Variants in FGF2 observed in about 807,000 individuals in gnomAD.
FGF2 encodes the protein fibroblast growth factor 2.
In FGF2, 13 loss-of-function variants were observed where a neutral mutation model predicts 15.9. That is an observed-to-expected ratio of 0.82 (90% CI 0.53 to 1.30). The LOEUF is 1.30. FGF2 is among the 50% of genes most tolerant of loss of function. The pLI is 0.00. For missense variants in FGF2, 163 were observed against 196.9 expected, an observed-to-expected ratio of 0.83 and a Z score of 1.03; for synonymous variants, 90 against 78.4, an observed-to-expected ratio of 1.15 and a Z score of -0.78.
intron 2 of FGF2, among the ~76,000 whole-genome samples, chr4:122,885,360 C>T (rs1219363381): frequency 6.6e-6 from 1 of 152,120 alleles, no homozygotes; most frequent in Non-Finnish European, 1.5e-5. Flanking sequence ...ATGCTGTTGA[C>T]AGTCTGGTGA....
rs970068523 is a variant in FGF2, at chr4:122,892,465, A to C, written c.*69A>C. The C allele has an allele frequency of 2.5e-5, 40 of 1,606,986 alleles. No individual in the cohort carries two copies. The African/African-American group carries it at 2.8e-4, about 11-fold the overall frequency. On this transcript the variant is annotated 3_prime_UTR_variant, in exon 3 of 3. Coordinates refer to ENST00000644866, the MANE Select transcript of FGF2 (RefSeq NM_001361665.2). ...TATATTTTAGAAATTTGTTAATGAG[A>C]GTAAAAGAAAATAAATGTGTATAGC...
At chr4:122,844,573 TTC>T (rs1345877195) in intron 1 of FGF2, among the ~76,000 whole-genome samples, 1 of 133,628 alleles carries the variant, frequency 7.5e-6, no homozygotes, top group Admixed American at 7.0e-5. Context: ...TTCTTTCTTT[TTC>T]TTTCTTTCTT....
chr4:122,852,722 C>G (rs114317255), intron 1 of FGF2, among the ~76,000 whole-genome samples: 1 of 152,154 alleles, frequency 6.6e-6, no homozygotes, highest in African/African-American at 2.4e-5. Flanking sequence ...TTTTTTTCCA[C>G]TGCTCATTTT....
In FGF2 at chr4:122,897,397, A is replaced by T; in HGVS notation, c.*5001A>T. ...ATCCAGAAGCAGTCATAAACAGAAG[A>T]ATAGGTGGTATGTTCCTAATGATAT... On this transcript the variant is annotated 3_prime_UTR_variant, in exon 3 of 3. Transcript: ENST00000644866. The T allele has an allele frequency of 1.9e-6, 1 of 529,220 alleles. No homozygotes were observed. The highest frequency in any genetic ancestry group is 3.4e-6 in the Non-Finnish European group (1 of 295,786). The allele number at this position is 529,220 out of a possible 1,614,324, so 32.8% of individuals were successfully genotyped here.
chr4:122,844,010 A>G (rs1560739966), intron 1 of FGF2, among the ~76,000 whole-genome samples: 1 of 152,222 alleles, frequency 6.6e-6, no homozygotes, highest in African/African-American at 2.4e-5. Context: ...TTGCGGCATC[A>G]GTTGACTTAT....
intron 2 of FGF2, among the ~76,000 whole-genome samples, chr4:122,891,423 C>CT (rs1200810648): frequency 8.0e-6 from 1 of 125,030 alleles, no homozygotes; most frequent in African/African-American, 3.0e-5. Context: ...AGCCAGCTAT[C>CT]CTTTTTTTTT....
In FGF2 at chr4:122,893,837, T is replaced by C. The variant is rs1363396392; in HGVS notation, c.*1441T>C. The stretch of plus-strand genomic sequence containing the variant: ...CCTCTAACTGGGCTTTCTCTAATTT[T>C]GTGATGTTCTGTCATTGTCTCCCAA... On this transcript the variant is annotated 3_prime_UTR_variant, in exon 3 of 3. Transcript: ENST00000644866. The C allele has an allele frequency of 1.3e-5, 2 of 152,226 alleles. No individual in the cohort carries two copies. Among genetic ancestry groups the C allele is most frequent in the African/African-American group, 4.8e-5 (2 of 41,454 alleles). 9.4% of individuals were successfully genotyped at this position (152,226 alleles called of 1,614,324 possible).
intron 2 of FGF2, among the ~76,000 whole-genome samples, chr4:122,881,411 T>A (rs1167056442): frequency 1.3e-5 from 2 of 152,186 alleles, no homozygotes; most frequent in Admixed American, 1.3e-4. Context: ...CTGAATGCCT[T>A]TAACAGCACC....
chr4:122,850,729 TCTTCA>T (rs1397870626), intron 1 of FGF2, among the ~76,000 whole-genome samples: 1 of 152,138 alleles, frequency 6.6e-6, no homozygotes, highest in Non-Finnish European at 1.5e-5. Flanking sequence ...CTTAGCGCTC[TCTTCA>T]GAGAGCGGTT....
At chr4:122,879,770 G>A (rs1481681030) in intron 2 of FGF2, among the ~76,000 whole-genome samples, 4 of 152,180 alleles carry the variant, frequency 2.6e-5, no homozygotes, top group Admixed American at 2.0e-4. Flanking sequence ...AGCTTGTGCA[G>A]GGGAAGGCCT....
At position 122,893,424 on chromosome 4, in the gene FGF2, C is replaced by T. The variant is rs1727251441; in HGVS notation, c.*1028C>T. The T allele has an allele frequency of 2.1e-6, 1 of 474,088 alleles. No individual in the cohort carries two copies. Among genetic ancestry groups the T allele is most frequent in the South Asian group, 5.3e-5 (1 of 18,822 alleles). 29.4% of individuals were successfully genotyped at this position (474,088 alleles called of 1,614,324 possible). ...TTCTTACCACTGTAAATTCAAGAAG[C>T]TTTTGAAATGCTGAATATTTCTTTG... On this transcript the variant is annotated 3_prime_UTR_variant, in exon 3 of 3. Transcript: ENST00000644866.
intron 2 of FGF2, among the ~76,000 whole-genome samples, chr4:122,888,146 G>A (rs1727095934): frequency 1.3e-5 from 2 of 152,106 alleles, no homozygotes; most frequent in African/African-American, 4.8e-5. Flanking sequence ...TTGATGGCAA[G>A]TTTATCATTC....
At chr4:122,870,412 CTT>C (rs1260571462) in intron 1 of FGF2, among the ~76,000 whole-genome samples, 1 of 152,146 alleles carries the variant, frequency 6.6e-6, no homozygotes, top group Non-Finnish European at 1.5e-5. Context: ...GATATCAGCT[CTT>C]CTTTGTATTT....
chr4:122,829,075 T>C (rs1725707852), intron 1 of FGF2, among the ~76,000 whole-genome samples: 1 of 152,232 alleles, frequency 6.6e-6, no homozygotes, highest in Non-Finnish European at 1.5e-5. Context: ...TATTAGTTGC[T>C]GAATCATTTT....
chr4:122,869,405 G>C (rs918829746), intron 1 of FGF2, among the ~76,000 whole-genome samples: 5 of 152,154 alleles, frequency 3.3e-5, no homozygotes, highest in Admixed American at 2.6e-4. Context: ...GAATAGCATT[G>C]AATCTATAAA....
chr4:122,838,760 A>T (rs1403266988), intron 1 of FGF2, among the ~76,000 whole-genome samples: 1 of 152,204 alleles, frequency 6.6e-6, no homozygotes, highest in Admixed American at 6.5e-5. Flanking sequence ...GACTTCTGTC[A>T]TGATTTAGTA....
At chr4:122,878,417 T>C (rs1726899264) in intron 2 of FGF2, among the ~76,000 whole-genome samples, 1 of 152,202 alleles carries the variant, frequency 6.6e-6, no homozygotes, top group Non-Finnish European at 1.5e-5. Context: ...ATAAAAAATC[T>C]ACTTGATGTA....
chr4:122,860,924 T>G (rs1457609198), intron 1 of FGF2, among the ~76,000 whole-genome samples: 2 of 152,218 alleles, frequency 1.3e-5, no homozygotes, highest in African/African-American at 4.8e-5. Flanking sequence ...AGTCCCTTGA[T>G]TTTTTAATGG....
intron 1 of FGF2, among the ~76,000 whole-genome samples, chr4:122,848,946 G>A (rs766992786): frequency 8.5e-5 from 13 of 152,128 alleles, no homozygotes; most frequent in Non-Finnish European, 1.9e-4. Flanking sequence ...ATGAGAGTGG[G>A]ATTAGGTGCT....
Sources: allele counts gnomAD v4.1 joint callset (sites outside exome capture counted in the v4.1 genomes callset), GRCh38; gene constraint gnomAD v4.1.1; transcripts MANE v1.5; gene names NCBI Gene and HGNC (gene_info 2026-07-23, HGNC 2026-07-21).